Variants in FER observed in about 807,000 individuals in gnomAD.
FER encodes the protein FER tyrosine kinase.
FER carries 63 observed loss-of-function variants against 111.0 expected under a neutral mutation model. The ratio of observed to expected loss-of-function variants is 0.57; its 90% CI spans 0.46 to 0.70. FER has a LOEUF of 0.70. Ranked by LOEUF, FER falls within the 30% of genes least tolerant of loss-of-function variation. The pLI is 0.00. For missense variants in FER, 914 were observed against 954.0 expected (o/e 0.96, Z 0.55); for synonymous variants, 327 against 313.9 (o/e 1.04, Z -0.44).
chr5:109,042,146 G>T (rs1771271264), intron 14 of FER, among the ~76,000 whole-genome samples: 1 of 152,178 alleles, frequency 6.6e-6, no homozygotes, highest in Non-Finnish European at 1.5e-5. Flanking sequence ...GAATCTGAGG[G>T]GGCTGGAGAG....
intron 16 of FER, chr5:109,052,028 T>C: frequency 6.3e-7 from 1 of 1,593,678 alleles, no homozygotes. Flanking sequence ...ATTTTCACCT[T>C]ACCATGCTCT....
rs1450128868 is a variant in FER at position 109,147,794 on chromosome 5, TATATATAGAG to T, written c.2049-32951_2049-32942del. ...ACACACACATACATATATATATATA[TATATATAGAG>T]AGAGAGAGAGAGAGAGAGAGAGACA... On this transcript the variant is annotated intron_variant, in intron 17 of 19. Coordinates refer to ENST00000281092, the MANE Select transcript of FER (RefSeq NM_005246.4). Among the ~76,000 whole-genome samples, 602 of 133,400 alleles carry T rather than the reference TATATATAGAG, an allele frequency of 4.5e-3. 5 individuals carry two copies. Among genetic ancestry groups the T allele is most frequent in the African/African-American group, 0.017 (576 of 34,682 alleles). The allele number at this position is 133,400 out of a possible 152,430, so 87.5% of individuals were successfully genotyped here.
chr5:108,786,838 A>G (rs1754780990), intron 2 of FER, among the ~76,000 whole-genome samples: 1 of 151,782 alleles, frequency 6.6e-6, no homozygotes, highest in Admixed American at 6.6e-5. Flanking sequence ...TTTTTTCACT[A>G]TTGTCAGTAG....
intron 13 of FER, among the ~76,000 whole-genome samples, chr5:108,986,181 A>G (rs1581519811): frequency 6.6e-6 from 1 of 152,036 alleles, no homozygotes; most frequent in African/African-American, 2.4e-5. Context: ...CATTTCCCTA[A>G]TCATTAATGA....
chr5:108,940,710 A>G (rs974419127), intron 10 of FER, among the ~76,000 whole-genome samples: 2 of 152,088 alleles, frequency 1.3e-5, no homozygotes, highest in Non-Finnish European at 2.9e-5. Context: ...CTCTTACTCA[A>G]GTGTTTTCAC....
chr5:108,798,831 A>G (rs1199337995), intron 3 of FER, among the ~76,000 whole-genome samples: 1 of 152,186 alleles, frequency 6.6e-6, no homozygotes, highest in African/African-American at 2.4e-5. Flanking sequence ...CTCAAAAAAC[A>G]AAACAAAAAA....
intron 8 of FER, 109 bp from the exon 9 acceptor site, chr5:108,883,287 T>C: frequency 2.0e-6 from 2 of 1,021,104 alleles, no homozygotes; most frequent in Non-Finnish European, 1.3e-6. Context: ...TCAGATTATA[T>C]GTGGCTACTG....
At chr5:108,791,077 C>A (rs1386085069) in intron 2 of FER, among the ~76,000 whole-genome samples, 5 of 152,164 alleles carry the variant, frequency 3.3e-5, no homozygotes, top group Non-Finnish European at 7.3e-5. Flanking sequence ...TTCTACTTTG[C>A]AGCTATTGTG....
intron 9 of FER, among the ~76,000 whole-genome samples, chr5:108,890,176 A>G (rs181322446): frequency 3.6e-4 from 55 of 152,162 alleles, no homozygotes; most frequent in Admixed American, 8.5e-4. Context: ...AAATGGAGTC[A>G]TGTTGTATGT....
At chr5:108,894,504 A>G (rs1748735509) in intron 9 of FER, 4 of 399,244 alleles carry the variant, frequency 1.0e-5, no homozygotes, top group Non-Finnish European at 2.0e-5. Context: ...TATGACACTG[A>G]TATTAGTTAG....
chr5:108,982,282 T>C (rs1169805558), intron 13 of FER, among the ~76,000 whole-genome samples: 1 of 152,162 alleles, frequency 6.6e-6, no homozygotes, highest in African/African-American at 2.4e-5. Context: ...CTGTAAGTTA[T>C]TGTTATGACC....
intron 10 of FER, among the ~76,000 whole-genome samples, chr5:108,934,758 T>C (rs190476799): frequency 5.3e-5 from 8 of 152,300 alleles, no homozygotes; most frequent in Non-Finnish European, 8.8e-5. Flanking sequence ...CTGTACAGTT[T>C]CCTGGAATTA....
chr5:108,872,340 T>A, intron 8 of FER, 128 bp downstream of exon 8: 1 of 796,630 alleles, frequency 1.3e-6, no homozygotes, highest in African/African-American at 1.8e-5. Context: ...CAGAGTGACA[T>A]GTTTTGAGAA....
At chr5:109,145,079 T>C (rs1356785579) in intron 17 of FER, among the ~76,000 whole-genome samples, 1 of 151,776 alleles carries the variant, frequency 6.6e-6, no homozygotes, top group Non-Finnish European at 1.5e-5. Context: ...TTGTTATGTT[T>C]CAAATTAAGA....
chr5:109,173,761 C>T (rs561405188), intron 17 of FER, among the ~76,000 whole-genome samples: 1 of 146,736 alleles, frequency 6.8e-6, no homozygotes, highest in Admixed American at 6.8e-5. Context: ...GTACCTCCCC[C>T]CCCCCCACAA....
At chr5:108,767,544 G>T (rs1752455623) in intron 1 of FER, among the ~76,000 whole-genome samples, 1 of 152,134 alleles carries the variant, frequency 6.6e-6, no homozygotes, top group South Asian at 2.1e-4. Context: ...AGGTGCAGTG[G>T]CATGATCATG....
chr5:108,806,095 A>G (rs1462116388), intron 3 of FER, among the ~76,000 whole-genome samples: 1 of 152,100 alleles, frequency 6.6e-6, no homozygotes, highest in Non-Finnish European at 1.5e-5. Flanking sequence ...CAGTCTAAGG[A>G]CTTGGTGCCC....
At chr5:108,849,271 G>C (rs750673115) in intron 5 of FER, among the ~76,000 whole-genome samples, 19 of 152,046 alleles carry the variant, frequency 1.2e-4, no homozygotes, top group Non-Finnish European at 2.6e-4. Context: ...TTCTTTCAGA[G>C]ACTCCAGTTA....
intron 17 of FER, among the ~76,000 whole-genome samples, chr5:109,165,242 G>A (rs976313713): frequency 2.4e-4 from 36 of 152,084 alleles, no homozygotes; most frequent in African/African-American, 8.7e-4. Context: ...CTGACACCAG[G>A]TATACCCCTA....
Sources: gnomAD v4.1 joint callset for allele counts (sites outside exome capture counted in the v4.1 genomes callset) on GRCh38, gnomAD v4.1.1 for gene constraint, MANE v1.5 for transcripts, NCBI Gene and HGNC (gene_info 2026-07-23, HGNC 2026-07-21) for gene names.